Variants in CNTNAP4 observed in about 807,000 individuals in gnomAD.
The protein encoded by CNTNAP4 is contactin-associated protein-like 4.
Under a neutral mutation model 148.4 loss-of-function variants are expected in CNTNAP4, and 98 were observed. That is an observed-to-expected ratio of 0.66 (90% CI 0.56 to 0.78). The LOEUF (loss-of-function observed/expected upper bound fraction) is 0.78. Among genes scored for constraint, CNTNAP4 ranks in the 30% least tolerant of loss-of-function variants. The probability of loss-of-function intolerance (pLI) is 0.00; values close to 1 mark genes in which losing one functional copy is unlikely to be tolerated. For synonymous variants in CNTNAP4, 730 were observed against 565.1 expected (o/e 1.29, Z -4.14); for missense variants, 1,935 against 1,565.6 (o/e 1.24, Z -3.98).
chr16:76,457,475 G>A (rs1229278396), intron 8 of CNTNAP4, among the ~76,000 whole-genome samples: 1 of 152,186 alleles, frequency 6.6e-6, no homozygotes, highest in Non-Finnish European at 1.5e-5. Flanking sequence ...GTGTTTAAAT[G>A]TGTGCCAAAT....
At chr16:76,475,300 G>T (rs1328926327) in intron 10 of CNTNAP4, among the ~76,000 whole-genome samples, 2 of 152,172 alleles carry the variant, frequency 1.3e-5, no homozygotes, top group African/African-American at 4.8e-5. Context: ...TGATTAAAGG[G>T]AATATATAAT....
intron 3 of CNTNAP4, among the ~76,000 whole-genome samples, chr16:76,363,533 A>G (rs1355626300): frequency 6.6e-6 from 1 of 152,194 alleles, no homozygotes; most frequent in Non-Finnish European, 1.5e-5. Flanking sequence ...CTGAAACTGT[A>G]AAACTGCTAG....
At chr16:76,327,496 C>G (rs1016615003) in intron 2 of CNTNAP4, among the ~76,000 whole-genome samples, 2 of 152,062 alleles carry the variant, frequency 1.3e-5, no homozygotes, top group Non-Finnish European at 2.9e-5. Flanking sequence ...GCTGTTGTGA[C>G]CAGCTCTGTG....
At chr16:76,518,840 C>G (rs928382838) in intron 15 of CNTNAP4, among the ~76,000 whole-genome samples, 4 of 152,156 alleles carry the variant, frequency 2.6e-5, no homozygotes, top group African/African-American at 9.7e-5. Flanking sequence ...ATCTCTCTTC[C>G]TCTTTTCCCC....
chr16:76,397,876 G>T (rs1391009791), intron 3 of CNTNAP4, among the ~76,000 whole-genome samples: 1 of 136,692 alleles, frequency 7.3e-6, no homozygotes, highest in African/African-American at 2.7e-5. Flanking sequence ...GGACTGCCTA[G>T]GTTCTCTAAC....
At chr16:76,337,982 A>G (rs539703249) in intron 2 of CNTNAP4, among the ~76,000 whole-genome samples, 1 of 152,288 alleles carries the variant, frequency 6.6e-6, no homozygotes, top group South Asian at 2.1e-4. Flanking sequence ...CTGATTTCAT[A>G]TTGTTCAAAC....
At chr16:76,547,109 G>A (rs1015743506) in intron 21 of CNTNAP4, among the ~76,000 whole-genome samples, 6 of 152,110 alleles carry the variant, frequency 3.9e-5, no homozygotes, top group East Asian at 3.8e-4. Flanking sequence ...TTCCAATGCC[G>A]AAGTGACTGA....
chr16:76,427,395 A>C, intron 3 of CNTNAP4, 57 bp from the exon 4 acceptor site: 1 of 1,483,310 alleles, frequency 6.7e-7, no homozygotes, highest in East Asian at 2.3e-5. Context: ...TATAGGTGAC[A>C]AGCTGAAATG....
intron 3 of CNTNAP4, among the ~76,000 whole-genome samples, chr16:76,407,302 G>A (rs1597444757): frequency 6.6e-6 from 1 of 152,102 alleles, no homozygotes; most frequent in Non-Finnish European, 1.5e-5. Context: ...TTACAGGCAA[G>A]AGCCACTGTG....
chr16:76,384,329 A>G (rs1478345231), intron 3 of CNTNAP4, among the ~76,000 whole-genome samples: 4 of 152,138 alleles, frequency 2.6e-5, no homozygotes, highest in South Asian at 2.1e-4. Context: ...GGCTTGAGCC[A>G]CCGCGCCCAG....
chr16:76,344,744 A>G (rs1964765711), intron 2 of CNTNAP4, among the ~76,000 whole-genome samples: 1 of 152,228 alleles, frequency 6.6e-6, no homozygotes, highest in Non-Finnish European at 1.5e-5. Flanking sequence ...CGTATATGAG[A>G]TCATCTCAAA....
At chr16:76,545,990 G>T (rs1298585690) in intron 21 of CNTNAP4, among the ~76,000 whole-genome samples, 1 of 151,520 alleles carries the variant, frequency 6.6e-6, no homozygotes, top group African/African-American at 2.4e-5. Context: ...AGCTGAGATT[G>T]TGCCATTGCA....
chr16:76,277,775 T>G lies in CNTNAP4; in HGVS notation c.85+28T>G, dbSNP rs768932022. 2.9e-6 allele frequency: 4 copies of G among 1,383,902 alleles called. No individual in the cohort carries two copies. The Admixed American group carries it at 5.7e-5, about 20-fold the overall frequency. 85.7% of individuals were successfully genotyped at this position (1,383,902 alleles called of 1,614,324 possible). On this transcript the variant is annotated intron_variant, in intron 1 of 23. Coordinates refer to ENST00000611870, the MANE Select transcript of CNTNAP4 (RefSeq NM_033401.5). ...AAGTATACAGCAAATGATTTAAAAC[T>G]TGCTGGGGGGCTCTCTGCAAAACTT...
At chr16:76,360,314 G>T (rs949059945) in intron 3 of CNTNAP4, among the ~76,000 whole-genome samples, 4 of 152,166 alleles carry the variant, frequency 2.6e-5, no homozygotes, top group Admixed American at 6.5e-5. Context: ...TGTCAACTCT[G>T]TAAGCCAGAC....
At chr16:76,353,753 C>G (rs974229937) in intron 2 of CNTNAP4, among the ~76,000 whole-genome samples, 5 of 152,130 alleles carry the variant, frequency 3.3e-5, no homozygotes, top group African/African-American at 9.7e-5. Context: ...GGCGTCTTCT[C>G]TTGTTAGTAG....
At chr16:76,557,448 G>T (rs1225131106) in intron 23 of CNTNAP4, 1 of 152,148 alleles carries the variant, frequency 6.6e-6, no homozygotes, top group Non-Finnish European at 1.5e-5. Context: ...ACTTCAGAGT[G>T]CACCAGAAGT....
chr16:76,331,553 A>G (rs1963528948), intron 2 of CNTNAP4, among the ~76,000 whole-genome samples: 1 of 151,560 alleles, frequency 6.6e-6, no homozygotes, highest in Admixed American at 6.6e-5. Flanking sequence ...ATAATCTCTC[A>G]AATTTGTAAT....
At chr16:76,490,845 C>G (rs572365216) in intron 13 of CNTNAP4, among the ~76,000 whole-genome samples, 5 of 152,112 alleles carry the variant, frequency 3.3e-5, no homozygotes, top group Non-Finnish European at 7.3e-5. Context: ...GTGTATTTTT[C>G]TTTACATATT....
intron 3 of CNTNAP4, among the ~76,000 whole-genome samples, chr16:76,375,016 G>A (rs887695931): frequency 2.6e-5 from 4 of 151,910 alleles, no homozygotes; most frequent in South Asian, 2.1e-4. Flanking sequence ...TGATCTGCCC[G>A]CCTTGGCCTC....
Sources: allele counts gnomAD v4.1 joint callset (sites outside exome capture counted in the v4.1 genomes callset), GRCh38; gene constraint gnomAD v4.1.1; transcripts MANE v1.5; gene names NCBI Gene and HGNC (gene_info 2026-07-23, HGNC 2026-07-21).